Variants in COL5A2 observed in about 807,000 individuals in gnomAD.
COL5A2 encodes collagen type V alpha 2 chain.
COL5A2 carries 23 observed loss-of-function variants against 208.2 expected under a neutral mutation model. The ratio of observed to expected loss-of-function variants is 0.11; its 90% CI spans 0.08 to 0.16. The LOEUF (loss-of-function observed/expected upper bound fraction) is 0.16, where lower values mean the gene tolerates loss of function less well. COL5A2 is among the 10% of genes least tolerant of loss of function. COL5A2 has a pLI of 1.00. For missense variants in COL5A2, 1,590 were observed against 1,956.4 expected (o/e 0.81, Z 3.53); for synonymous variants, 625 against 628.5 (o/e 0.99, Z 0.08).
chr2:189,343,939 A>G, the COL5A2 span, among the ~76,000 whole-genome samples: 1 of 152,064 alleles, frequency 6.6e-6, no homozygotes, highest in African/African-American at 2.4e-5. Context: ...AGACATTTCT[A>G]TTTCTATCTT....
the COL5A2 span, among the ~76,000 whole-genome samples, chr2:189,356,946 G>A: frequency 6.6e-6 from 1 of 152,098 alleles, no homozygotes; most frequent in Non-Finnish European, 1.5e-5. Context: ...TGTTGATGTT[G>A]ATGCTATTCC....
intron 1 of COL5A2, among the ~76,000 whole-genome samples, chr2:189,127,555 T>A (rs1263711285): frequency 6.6e-6 from 1 of 152,080 alleles, no homozygotes; most frequent in African/African-American, 2.4e-5. Context: ...CTACTTGCTA[T>A]GTAACACTTG....
At chr2:189,102,073 A>C (rs1335403395) in intron 3 of COL5A2, among the ~76,000 whole-genome samples, 1 of 152,146 alleles carries the variant, frequency 6.6e-6, no homozygotes, top group Non-Finnish European at 1.5e-5. Context: ...GAAAGGGTAC[A>C]TAAATTTTTG....
chr2:189,404,419 T>C, the COL5A2 span, among the ~76,000 whole-genome samples: 1 of 152,164 alleles, frequency 6.6e-6, no homozygotes, highest in Non-Finnish European at 1.5e-5. Flanking sequence ...AGCCTTTGGA[T>C]CCAGGACTTA....
At chr2:189,166,690 G>A (rs1368844213) in intron 1 of COL5A2, among the ~76,000 whole-genome samples, 1 of 152,222 alleles carries the variant, frequency 6.6e-6, no homozygotes, top group Admixed American at 6.5e-5. Flanking sequence ...CGTCTGTAGT[G>A]TGAGCCACGG....
the COL5A2 span, among the ~76,000 whole-genome samples, chr2:189,313,308 A>G: frequency 0.073 from 11,112 of 152,218 alleles, 671 homozygotes; most frequent in African/African-American, 0.16. Flanking sequence ...CATCCATGAG[A>G]ACGTTCCCAA....
chr2:189,281,910 G>A, the COL5A2 span, among the ~76,000 whole-genome samples: 50 of 152,182 alleles, frequency 3.3e-4, no homozygotes, highest in Non-Finnish European at 6.6e-4. Context: ...TAGGCTGGGC[G>A]CACTGGCTCA....
the COL5A2 span, among the ~76,000 whole-genome samples, chr2:189,373,648 T>G: frequency 6.6e-6 from 1 of 152,174 alleles, no homozygotes; most frequent in Non-Finnish European, 1.5e-5. Flanking sequence ...CTGAATAATA[T>G]TCTGTGAATA....
At chr2:189,278,722 C>G in the COL5A2 span, among the ~76,000 whole-genome samples, 1 of 151,880 alleles carries the variant, frequency 6.6e-6, no homozygotes, top group Non-Finnish European at 1.5e-5. Flanking sequence ...TAGGACTGCT[C>G]TTAGATACTG....
In COL5A2 at chr2:189,052,754, G is replaced by A; in HGVS notation, c.2710C>T (p.Pro904Ser). The A allele has an allele frequency of 6.2e-7, 1 of 1,614,076 alleles. No homozygotes were observed. Among genetic ancestry groups the A allele is most frequent in the Non-Finnish European group, 8.5e-7 (1 of 1,179,966 alleles). Residue 904 changes from proline to serine, a missense_variant, in exon 40 of 54, where the codon CCG becomes TCG. Pro to Ser is a moderately conservative substitution (Grantham distance 74). Transcript: ENST00000374866. The stretch of plus-strand genomic sequence containing the variant: ...AGAGCATCAAATAAACTTACAGGCG[G>A]ACCTTGGGTTCCTCGACCACCTTTT... Reference protein sequence around the residue: ...GLKGGRGTQGPPGATGFPGSA... With the variant: ...GLKGGRGTQGSPGATGFPGSA...
At chr2:189,132,687 G>T (rs1255088322) in intron 1 of COL5A2, among the ~76,000 whole-genome samples, 2 of 152,110 alleles carry the variant, frequency 1.3e-5, no homozygotes, top group Non-Finnish European at 2.9e-5. Flanking sequence ...TTGGAAAGCC[G>T]AGGTGGGTGG....
At chr2:189,092,676 A>G (rs886174924) in intron 6 of COL5A2, among the ~76,000 whole-genome samples, 16 of 152,160 alleles carry the variant, frequency 1.1e-4, no homozygotes, top group African/African-American at 4.8e-5. Context: ...TTCTTAGAAT[A>G]ATTATTTTTA....
At chr2:189,249,362 T>C in the COL5A2 span, among the ~76,000 whole-genome samples, 3 of 152,318 alleles carry the variant, frequency 2.0e-5, no homozygotes, top group African/African-American at 7.2e-5. Context: ...GTGTATGTTA[T>C]GGCAAAACTC....
At chr2:189,331,603 T>C in the COL5A2 span, among the ~76,000 whole-genome samples, 347 of 152,312 alleles carry the variant, frequency 2.3e-3, 1 homozygote, top group African/African-American at 7.4e-3. Flanking sequence ...AATACATGAC[T>C]TGTTCCTCCT....
chr2:189,066,010 G>GT (rs1281226265), intron 23 of COL5A2, among the ~76,000 whole-genome samples: 1 of 152,126 alleles, frequency 6.6e-6, no homozygotes, highest in African/African-American at 2.4e-5. Flanking sequence ...TCTTTACTTA[G>GT]TGTGTGTATG....
At chr2:189,340,177 G>A in the COL5A2 span, among the ~76,000 whole-genome samples, 1 of 152,070 alleles carries the variant, frequency 6.6e-6, no homozygotes, top group Admixed American at 6.6e-5. Flanking sequence ...GTTCCCCTTG[G>A]CCACAAGTGG....
At chr2:189,050,247 C>A (rs918314752) in intron 43 of COL5A2, among the ~76,000 whole-genome samples, 2 of 147,900 alleles carry the variant, frequency 1.4e-5, no homozygotes. Flanking sequence ...AAAGACACTA[C>A]CTATTCACCA....
chr2:189,326,900 A>T, the COL5A2 span, among the ~76,000 whole-genome samples: 1 of 151,812 alleles, frequency 6.6e-6, no homozygotes, highest in Non-Finnish European at 1.5e-5. Context: ...GTGAAACCAC[A>T]TCTCTACTAA....
chr2:189,050,146 A>G (rs924707108), intron 43 of COL5A2, among the ~76,000 whole-genome samples: 1 of 152,104 alleles, frequency 6.6e-6, no homozygotes, highest in African/African-American at 2.4e-5. Flanking sequence ...TTCCCCCTAC[A>G]TTCACCTCAA....
Sources: allele counts gnomAD v4.1 joint callset (sites outside exome capture counted in the v4.1 genomes callset), GRCh38; gene constraint gnomAD v4.1.1; transcripts MANE v1.5; gene names NCBI Gene and HGNC (gene_info 2026-07-23, HGNC 2026-07-21).